The following PRICKLE2 variants were observed in gnomAD, a reference collection of about 807,000 sequenced individuals.
The protein encoded by PRICKLE2 is prickle planar cell polarity protein 2.
In PRICKLE2, 21 loss-of-function variants were observed where a neutral mutation model predicts 81.4. That is an observed-to-expected ratio of 0.26 (90% CI 0.18 to 0.37). PRICKLE2 has a LOEUF of 0.37. Ranked by LOEUF, PRICKLE2 falls within the 10% of genes least tolerant of loss-of-function variation. The pLI, the probability that PRICKLE2 is intolerant of heterozygous loss-of-function variation, is 1.00. For synonymous variants in PRICKLE2, 456 were observed against 421.5 expected, an observed-to-expected ratio of 1.08 and a Z score of -1.00; for missense variants, 940 against 1,109.0, an observed-to-expected ratio of 0.85 and a Z score of 2.16.
At position 64,107,513 on chromosome 3, in the gene PRICKLE2, G is replaced by A. The variant is rs534106594; in HGVS notation, c.1661-7588C>T. On this transcript the variant is annotated intron_variant, in intron 7 of 7. Coordinates refer to ENST00000638394, the MANE Select transcript of PRICKLE2 (RefSeq NM_198859.4). Reference sequence around the variant, plus strand: ...TTATTGTCCTGTCTTATCCCACTCCGCACCAGAAGACAGAGAGCTGTGTTT... The same window carrying A: ...TTATTGTCCTGTCTTATCCCACTCCACACCAGAAGACAGAGAGCTGTGTTT... Among the ~76,000 whole-genome samples the A allele has an allele frequency of 1.9e-4, 29 of 152,160 alleles. 1 individual carries two copies. The South Asian group carries it at 5.8e-3, about 31-fold the overall frequency.
At chr3:64,221,592 T>C (rs566696185) in intron 1 of PRICKLE2, among the ~76,000 whole-genome samples, 13 of 152,292 alleles carry the variant, frequency 8.5e-5, no homozygotes, top group African/African-American at 2.9e-4. Context: ...CTCAAGCTTC[T>C]TAGTTTGCAA....
chr3:64,127,070 G>A (rs955437416), intron 7 of PRICKLE2, among the ~76,000 whole-genome samples: 2 of 152,154 alleles, frequency 1.3e-5, no homozygotes, highest in African/African-American at 4.8e-5. Context: ...TGCCCTTAAG[G>A]AGCACTCATT....
At chr3:64,100,381 C>T (rs1031321351) in intron 7 of PRICKLE2, 1 of 167,150 alleles carries the variant, frequency 6.0e-6, no homozygotes, top group African/African-American at 2.4e-5. Context: ...CAATACCAAA[C>T]ACTGGTTCCA....
At chr3:64,185,033 T>A (rs918535540) in intron 2 of PRICKLE2, among the ~76,000 whole-genome samples, 20 of 152,182 alleles carry the variant, frequency 1.3e-4, no homozygotes, top group Non-Finnish European at 2.1e-4. Context: ...ATAACTTACA[T>A]AATGATGGAA....
intron 3 of PRICKLE2, among the ~76,000 whole-genome samples, chr3:64,161,136 C>T (rs907149058): frequency 6.6e-6 from 1 of 152,140 alleles, no homozygotes; most frequent in East Asian, 1.9e-4. Flanking sequence ...ATATGAGACA[C>T]CTGCTAGCAC....
chr3:64,181,435 T>C (rs2078131687), intron 2 of PRICKLE2, among the ~76,000 whole-genome samples: 1 of 152,164 alleles, frequency 6.6e-6, no homozygotes. Context: ...GGAGATACTG[T>C]TAGGTGGTTA....
intron 1 of PRICKLE2, among the ~76,000 whole-genome samples, chr3:64,204,267 C>T (rs892668027): frequency 2.0e-5 from 3 of 152,042 alleles, no homozygotes; most frequent in Non-Finnish European, 2.9e-5. Context: ...GGACATATAC[C>T]GAGCCATATG....
At chr3:64,163,631 T>C (rs1372137036) in intron 2 of PRICKLE2, 2 of 183,720 alleles carry the variant, frequency 1.1e-5, no homozygotes, top group African/African-American at 4.7e-5. Flanking sequence ...GAGACTTTTG[T>C]AAGGCAGGCA....
chr3:64,118,340 C>T (rs951032604), intron 7 of PRICKLE2, among the ~76,000 whole-genome samples: 1 of 152,078 alleles, frequency 6.6e-6, no homozygotes, highest in Non-Finnish European at 1.5e-5. Flanking sequence ...CAAAAATTGA[C>T]AAATGGGATC....
chr3:64,153,963 A>AT (rs2107027729), intron 5 of PRICKLE2: 1 of 154,668 alleles, frequency 6.5e-6, no homozygotes, highest in South Asian at 2.0e-4. Flanking sequence ...AAGTGTTTGC[A>AT]TTTTCCCCCA....
At chr3:64,157,476 AAGC>A in intron 4 of PRICKLE2, 111 bp from the exon 5 acceptor site, 4 of 1,120,354 alleles carry the variant, frequency 3.6e-6, no homozygotes, top group Non-Finnish European at 5.3e-6. Flanking sequence ...CTTATGTTCA[AAGC>A]AGTCACTATG....
chr3:64,174,993 G>A, intron 2 of PRICKLE2: 1 of 170,930 alleles, frequency 5.9e-6, no homozygotes, highest in Non-Finnish European at 1.3e-5. Context: ...CTCCCAGTGG[G>A]CTAAAACGTG....
chr3:64,262,002 A>G (rs2079621560), intron 2 of PRICKLE2, among the ~76,000 whole-genome samples: 1 of 152,182 alleles, frequency 6.6e-6, no homozygotes, highest in Admixed American at 6.5e-5. Flanking sequence ...GGTTTGAGAT[A>G]TGTATCTTTT....
At chr3:64,167,297 T>C (rs772399064) in intron 2 of PRICKLE2, among the ~76,000 whole-genome samples, 8 of 152,238 alleles carry the variant, frequency 5.3e-5, no homozygotes, top group Non-Finnish European at 7.3e-5. Flanking sequence ...TCTGTGTGTA[T>C]TGAACATATT....
At chr3:64,157,050 A>G in intron 5 of PRICKLE2, 112 bp downstream of exon 5, 2 of 1,005,730 alleles carry the variant, frequency 2.0e-6, no homozygotes. Flanking sequence ...TTAATGCAAG[A>G]AAATGAAGTT....
chr3:64,138,352 A>G (rs2077308338), intron 7 of PRICKLE2, among the ~76,000 whole-genome samples: 1 of 152,220 alleles, frequency 6.6e-6, no homozygotes, highest in African/African-American at 2.4e-5. Context: ...TTGTTGGATG[A>G]CCAAAGTCAG....
At chr3:64,177,628 T>C in intron 2 of PRICKLE2, among the ~76,000 whole-genome samples, 1 of 152,174 alleles carries the variant, frequency 6.6e-6, no homozygotes, top group East Asian at 1.9e-4. Flanking sequence ...TCTCTATGAG[T>C]CTGCCTAGTC....
At position 64,147,713 on chromosome 3, in the gene PRICKLE2, GA is replaced by G; in HGVS notation, c.788-12del. On this transcript the variant is annotated splice_polypyrimidine_tract_variant and intron_variant, in intron 6 of 7. Coordinates refer to ENST00000638394, the MANE Select transcript of PRICKLE2 (RefSeq NM_198859.4). The surrounding 1 kb of genome is among the most constrained non-coding windows in gnomAD (Gnocchi z 5.0). ...GACCTTGGTCGATACCTAAAAAAAT[GA>G]GAGACATTGGAGAGGCTGATGAGCT... The G allele has an allele frequency of 6.2e-7, 1 of 1,613,398 alleles. No homozygotes were observed. Among genetic ancestry groups the G allele is most frequent in the African/African-American group, 1.3e-5 (1 of 75,060 alleles).
intron 2 of PRICKLE2, among the ~76,000 whole-genome samples, chr3:64,173,158 A>G (rs1434404978): frequency 6.6e-6 from 1 of 152,240 alleles, no homozygotes; most frequent in Non-Finnish European, 1.5e-5. Context: ...CAAAGTTAAA[A>G]TAATGCAAAA....
Sources: gnomAD v4.1 joint callset for allele counts (sites outside exome capture counted in the v4.1 genomes callset) on GRCh38, gnomAD v4.1.1 for gene constraint, Gnocchi (gnomAD v3.1) non-coding constraint, MANE v1.5 for transcripts, NCBI Gene and HGNC (gene_info 2026-07-23, HGNC 2026-07-21) for gene names.